The following TVP23C variants were observed in gnomAD, a reference collection of about 807,000 sequenced individuals.
The protein encoded by TVP23C is trans-golgi network vesicle protein 23 homolog C.
In TVP23C, 19 loss-of-function variants were observed where a neutral mutation model predicts 28.7. The observed-to-expected ratio is 0.66, with a 90% confidence interval of 0.46 to 0.97. The LOEUF is 0.97. Among genes scored for constraint, TVP23C ranks in the 50% least tolerant of loss-of-function variants. TVP23C has a pLI of 0.00. For missense variants in TVP23C, 186 were observed against 241.3 expected (o/e 0.77, Z 1.52); for synonymous variants, 68 against 81.7 (o/e 0.83, Z 0.90).
intron 5 of TVP23C, among the ~76,000 whole-genome samples, chr17:15,512,059 G>A (rs1982027139): frequency 6.6e-6 from 1 of 152,186 alleles, no homozygotes; most frequent in Non-Finnish European, 1.5e-5. Context: ...TCTGAGTGGG[G>A]CAGCATGATT....
intron 5 of TVP23C, among the ~76,000 whole-genome samples, chr17:15,518,431 G>T (rs569438659): frequency 6.6e-6 from 1 of 152,246 alleles, no homozygotes; most frequent in East Asian, 1.9e-4. Context: ...GTCCCCCTTG[G>T]CACTCAGCTG....
chr17:15,503,088 T>TA lies in TVP23C; in HGVS notation c.606dup (p.Asn203Ter). 2 of 1,614,082 alleles carry TA rather than the reference T, an allele frequency of 1.2e-6. No homozygotes were observed. Among genetic ancestry groups the TA allele is most frequent in the African/African-American group, 2.7e-5 (2 of 75,026 alleles). On this transcript the variant is annotated frameshift_variant, in exon 6 of 6. Coordinates refer to the TVP23C transcript ENST00000225576. LOFTEE classifies it low-confidence loss of function (END_TRUNC). ...CGATCCGTGATCCTCGTGAAAGAAT[T>TA]AATGTCTACCTGATGAAACTTCCTC...
chr17:15,528,207 C>G (rs1207812535), intron 5 of TVP23C, among the ~76,000 whole-genome samples: 1 of 152,028 alleles, frequency 6.6e-6, no homozygotes, highest in Non-Finnish European at 1.5e-5. Flanking sequence ...GATTTGAGAT[C>G]TCTTGTTTAA....
chr17:15,534,344 G>A (rs548650480), downstream of TVP23C, among the ~76,000 whole-genome samples: 10 of 152,338 alleles, frequency 6.6e-5, no homozygotes, highest in South Asian at 1.9e-3. Context: ...CAAATGGAAC[G>A]TTTAGTGAGC....
chr17:15,526,158 T>C (rs542899459), intron 5 of TVP23C, among the ~76,000 whole-genome samples: 10 of 151,850 alleles, frequency 6.6e-5, no homozygotes, highest in Non-Finnish European at 1.5e-4. Context: ...CACTCCTACA[T>C]TGTTACAGCT....
intron 5 of TVP23C, among the ~76,000 whole-genome samples, chr17:15,519,833 C>T (rs1982396747): frequency 6.6e-6 from 1 of 152,082 alleles, no homozygotes; most frequent in Non-Finnish European, 1.5e-5. Flanking sequence ...ACCCGGGAGG[C>T]GGAGCTTGCA....
downstream of TVP23C, among the ~76,000 whole-genome samples, chr17:15,533,589 C>T (rs1356365137): frequency 1.3e-5 from 2 of 152,128 alleles, no homozygotes; most frequent in Non-Finnish European, 2.9e-5. Flanking sequence ...AACGTCCACC[C>T]GTCAGAGATC....
chr17:15,539,260 A>G lies in TVP23C; in HGVS notation c.*1152T>C, dbSNP rs768503280. The G allele has an allele frequency of 2.0e-6, 2 of 985,244 alleles. No individual in the cohort carries two copies. The highest frequency in any genetic ancestry group is 1.7e-5 in the African/African-American group (1 of 57,230). 61.0% of individuals were successfully genotyped at this position (985,244 alleles called of 1,614,324 possible). A position where few individuals can be genotyped will look rare whatever the true frequency, so the allele number is the denominator to read the frequency against. On this transcript the variant is annotated 3_prime_UTR_variant, in exon 6 of 6. Coordinates refer to ENST00000518321, the MANE Select transcript of TVP23C (RefSeq NM_001135036.2). ...AGTTTAAGAATCCCTGTCCTACATAATATCACTTGCCCAACCTACTGTACT... is the reference window on the plus strand; with the variant it reads ...AGTTTAAGAATCCCTGTCCTACATAGTATCACTTGCCCAACCTACTGTACT...
chr17:15,514,925 G>A (rs1245164872), intron 5 of TVP23C, among the ~76,000 whole-genome samples: 2 of 152,184 alleles, frequency 1.3e-5, no homozygotes, highest in East Asian at 1.9e-4. Flanking sequence ...AACACCATGA[G>A]TGTGCCACCC....
chr17:15,535,804 T>C (rs1166519250), downstream of TVP23C, among the ~76,000 whole-genome samples: 1 of 152,236 alleles, frequency 6.6e-6, no homozygotes, highest in Non-Finnish European at 1.5e-5. Context: ...CAAAGTGCAC[T>C]GTATCGACAA....
At chr17:15,531,196 T>C (rs1473659730) in intron 5 of TVP23C, 2 of 152,278 alleles carry the variant, frequency 1.3e-5, no homozygotes, top group African/African-American at 4.8e-5. Context: ...ATCCCTTGTA[T>C]GTGATAAGTT....
intron 5 of TVP23C, among the ~76,000 whole-genome samples, chr17:15,523,613 AT>A (rs757429635): frequency 1.0e-3 from 140 of 136,314 alleles, no homozygotes; most frequent in African/African-American, 1.6e-3. Context: ...TGGCTGGAAG[AT>A]TTTTTTTTTT....
Position 15,551,396 on chromosome 17 carries a change from G to T in TVP23C, c.240+2289C>A, listed in dbSNP as rs1039764952. On this transcript the variant is annotated intron_variant, in intron 3 of 5. Coordinates refer to ENST00000518321, the MANE Select transcript of TVP23C (RefSeq NM_001135036.2). ...GCTGGGATTATAGGCATGAGCCACC[G>T]CGCCCAGCCATAGTTGCCATTAAAT... Among the ~76,000 whole-genome samples the T allele has an allele frequency of 5.9e-5, 9 of 151,558 alleles. No individual in the cohort carries two copies. In the South Asian group the frequency reaches 1.9e-3, roughly 32 times the overall value.
chr17:15,537,606 A>T lies in TVP23C; in HGVS notation c.*2806T>A, dbSNP rs1983208905. 1.0e-6 allele frequency: 1 copy of T among 985,258 alleles called. No homozygotes were observed. The highest frequency in any genetic ancestry group is 1.7e-5 in the African/African-American group (1 of 57,250). 61.0% of individuals were successfully genotyped at this position (985,258 alleles called of 1,614,324 possible). A position where few individuals can be genotyped will look rare whatever the true frequency, so the allele number is the denominator to read the frequency against. On this transcript the variant is annotated 3_prime_UTR_variant, in exon 6 of 6. Coordinates refer to ENST00000518321, the MANE Select transcript of TVP23C (RefSeq NM_001135036.2). ...TTTCACTTGCTTGCATACGTCTAAG[A>T]AATTTCCCCATGAAGTACATATTAA...
chr17:15,527,540 T>C (rs1470926629), intron 5 of TVP23C, among the ~76,000 whole-genome samples: 1 of 152,132 alleles, frequency 6.6e-6, no homozygotes, highest in African/African-American at 2.4e-5. Context: ...AAGTTACCAT[T>C]ATCGAGTGCT....
chr17:15,560,642 G>A (rs1477148609), intron 1 of TVP23C, among the ~76,000 whole-genome samples: 1 of 148,768 alleles, frequency 6.7e-6, no homozygotes, highest in African/African-American at 2.4e-5. Context: ...TGCAAGCTCC[G>A]CCTCCCAGGT....
chr17:15,507,804 A>C lies in TVP23C; in HGVS notation c.463-4572T>G, dbSNP rs576894702. Among the ~76,000 whole-genome samples the C allele has an allele frequency of 7.2e-3, 1,090 of 152,300 alleles. 6 individuals are homozygous for C. The highest frequency in any genetic ancestry group is 0.013 in the Non-Finnish European group (860 of 68,036). On this transcript the variant is annotated intron_variant, in intron 5 of 5. Transcript: ENST00000225576. ...CAGTGAGCCGAGATGGCGCCACTGCACTTCAGCCTGGGTGACAGAGCGAGA... is the reference window on the plus strand; with the variant it reads ...CAGTGAGCCGAGATGGCGCCACTGCCCTTCAGCCTGGGTGACAGAGCGAGA...
intron 5 of TVP23C, among the ~76,000 whole-genome samples, chr17:15,530,527 T>G (rs901454351): frequency 2.0e-5 from 3 of 152,222 alleles, no homozygotes; most frequent in African/African-American, 7.2e-5. Context: ...TATGTAGTTG[T>G]CTTTTAGGTC....
At chr17:15,563,125 C>T (rs1984476764) in intron 1 of TVP23C, 6 of 441,268 alleles carry the variant, frequency 1.4e-5, no homozygotes, top group South Asian at 9.3e-5. Context: ...GCCCGCAGGC[C>T]GCTCCTCCTC....
Sources: allele counts gnomAD v4.1 joint callset (sites outside exome capture counted in the v4.1 genomes callset), GRCh38; gene constraint gnomAD v4.1.1; transcripts MANE v1.5; gene names NCBI Gene and HGNC (gene_info 2026-07-23, HGNC 2026-07-21).